Variants in CRB1 observed in about 807,000 individuals in gnomAD.
CRB1 encodes the protein protein crumbs homolog 1.
A neutral mutation model predicts 120.0 loss-of-function variants in CRB1; 83 were observed. The observed-to-expected ratio is 0.69, with a 90% CI of 0.58 to 0.83. The LOEUF is 0.83. Among genes scored for constraint, CRB1 ranks in the 40% least tolerant of loss-of-function variants. The pLI is 0.00. For synonymous variants in CRB1, 625 were observed against 612.5 expected, an observed-to-expected ratio of 1.02 and a Z score of -0.30; for missense variants, 1,699 against 1,687.6, an observed-to-expected ratio of 1.01 and a Z score of -0.12.
the CRB1 span, among the ~76,000 whole-genome samples, chr1:197,220,555 G>T: frequency 6.6e-6 from 1 of 152,156 alleles, no homozygotes; most frequent in African/African-American, 2.4e-5. Context: ...TAACTATTGC[G>T]TTTGCTTTCT....
At chr1:197,410,642 G>T (rs1663660757) in intron 5 of CRB1, among the ~76,000 whole-genome samples, 1 of 151,992 alleles carries the variant, frequency 6.6e-6, no homozygotes, top group Non-Finnish European at 1.5e-5. Flanking sequence ...ACAAAATTAT[G>T]AATTTATGAA....
intron 11 of CRB1, among the ~76,000 whole-genome samples, chr1:197,474,168 T>C (rs1667104757): frequency 6.6e-6 from 1 of 152,244 alleles, no homozygotes; most frequent in African/African-American, 2.4e-5. Context: ...GAGAACTTCC[T>C]ATAGGCTGTG....
chr1:197,468,771 C>T (rs1045223603), intron 11 of CRB1, among the ~76,000 whole-genome samples: 2 of 152,190 alleles, frequency 1.3e-5, no homozygotes, highest in African/African-American at 4.8e-5. Flanking sequence ...TGTGCTGGCC[C>T]TGGACATTGC....
At chr1:197,432,855 A>T (rs1161903444) in intron 8 of CRB1, among the ~76,000 whole-genome samples, 4 of 152,114 alleles carry the variant, frequency 2.6e-5, no homozygotes, top group African/African-American at 9.7e-5. Context: ...AGAAAAGCCA[A>T]GTATAAGAAG....
At chr1:197,363,773 C>T (rs193119834) in intron 5 of CRB1, 55 of 645,184 alleles carry the variant, frequency 8.5e-5, no homozygotes, top group African/African-American at 7.6e-4. Flanking sequence ...TGCCTGGCAA[C>T]GGGTCTTTGT....
At chr1:197,249,687 G>T in the CRB1 span, among the ~76,000 whole-genome samples, 1 of 151,970 alleles carries the variant, frequency 6.6e-6, no homozygotes, top group Non-Finnish European at 1.5e-5. Flanking sequence ...CTATTGGTGT[G>T]ATAGAGATAC....
At chr1:197,316,662 A>G (rs971727209) in intron 1 of CRB1, among the ~76,000 whole-genome samples, 3 of 152,242 alleles carry the variant, frequency 2.0e-5, no homozygotes, top group African/African-American at 7.2e-5. Context: ...TGCACAAAAT[A>G]GTGCCAAAAT....
chr1:197,461,145 T>C (rs1490095206), intron 11 of CRB1, among the ~76,000 whole-genome samples: 1 of 152,150 alleles, frequency 6.6e-6, no homozygotes, highest in Non-Finnish European at 1.5e-5. Context: ...CCAATATAAA[T>C]GCTCTCAAAT....
chr1:197,365,754 C>G (rs939990000), intron 5 of CRB1, among the ~76,000 whole-genome samples: 1 of 151,800 alleles, frequency 6.6e-6, no homozygotes, highest in Admixed American at 6.6e-5. Flanking sequence ...CGGCCACCTT[C>G]TCTTGTTTCT....
At chr1:197,358,820 C>T (rs981170887) in intron 5 of CRB1, among the ~76,000 whole-genome samples, 1 of 152,060 alleles carries the variant, frequency 6.6e-6, no homozygotes, top group African/African-American at 2.4e-5. Flanking sequence ...AATCATGTAA[C>T]TACATTTAAT....
At chr1:197,342,831 T>C (rs997351861) in intron 2 of CRB1, among the ~76,000 whole-genome samples, 2 of 152,176 alleles carry the variant, frequency 1.3e-5, no homozygotes, top group Admixed American at 1.3e-4. Context: ...AACCTCGTTG[T>C]TAGTAGTGAT....
intron 1 of CRB1, among the ~76,000 whole-genome samples, chr1:197,275,449 T>G (rs1249163925): frequency 2.6e-5 from 4 of 152,076 alleles, no homozygotes; most frequent in Non-Finnish European, 5.9e-5. Flanking sequence ...GTTGTTATGT[T>G]TCAAGAGACA....
At chr1:197,230,427 A>C in the CRB1 span, among the ~76,000 whole-genome samples, 7 of 152,200 alleles carry the variant, frequency 4.6e-5, no homozygotes, top group Admixed American at 6.5e-5. Flanking sequence ...GTTCCACAAA[A>C]ATTTTAGTAG....
At chr1:197,271,135 A>T (rs966861989) in intron 1 of CRB1, among the ~76,000 whole-genome samples, 37 of 152,068 alleles carry the variant, frequency 2.4e-4, no homozygotes, top group African/African-American at 8.5e-4. Flanking sequence ...GAAGGTCGAG[A>T]CTGCTGTGAG....
At chr1:197,365,233 T>C (rs555292965) in intron 5 of CRB1, among the ~76,000 whole-genome samples, 4 of 152,224 alleles carry the variant, frequency 2.6e-5, no homozygotes, top group African/African-American at 9.6e-5. Context: ...TTCTGAGAAA[T>C]GGGAGTCTTT....
At chr1:197,419,324 C>A (rs1664164708) in intron 5 of CRB1, among the ~76,000 whole-genome samples, 2 of 149,814 alleles carry the variant, frequency 1.3e-5, no homozygotes, top group Non-Finnish European at 3.0e-5. Context: ...TGAGAATACA[C>A]TAAATTATTA....
Position 197,328,458 on chromosome 1 carries a change from C to A in CRB1, c.107C>A (p.Ser36Ter), listed in dbSNP as rs2125303600. 6.2e-7 allele frequency: 1 copy of A among 1,614,128 alleles called. No homozygotes were observed. The highest frequency in any genetic ancestry group is 8.5e-7 in the Non-Finnish European group (1 of 1,180,010). The change falls in exon 2 of 12, where the codon TCA becomes TAA. Residue 36 changes from serine to a stop codon, truncating the protein, a stop_gained. Transcript: ENST00000367400. LOFTEE classifies it high-confidence loss of function. ...AATAAAAACAACACCAGGTGCCTCT[C>A]AAATTCTTGCCAAAACAATTCTACA... is the stretch of plus-strand genomic sequence containing the variant. Reference protein sequence around the residue: ...FCNKNNTRCLSNSCQNNSTCK... With the variant: ...FCNKNNTRCL
intron 1 of CRB1, among the ~76,000 whole-genome samples, chr1:197,289,292 A>G (rs921528002): frequency 1.3e-5 from 2 of 151,802 alleles, no homozygotes; most frequent in African/African-American, 4.8e-5. Context: ...CTAATTCTTG[A>G]ATAATATTTT....
At chr1:197,431,075 T>A (rs931507202) in intron 8 of CRB1, among the ~76,000 whole-genome samples, 24 of 150,150 alleles carry the variant, frequency 1.6e-4, no homozygotes, top group South Asian at 8.4e-4. Flanking sequence ...CAAAAAAAAA[T>A]AAAAATAAAA....
Sources: gnomAD v4.1 joint callset for allele counts (sites outside exome capture counted in the v4.1 genomes callset) on GRCh38, gnomAD v4.1.1 for gene constraint, MANE v1.5 for transcripts, NCBI Gene and HGNC (gene_info 2026-07-23, HGNC 2026-07-21) for gene names.